ADAMTSL1: variants seen among roughly 807,000 people sequenced by gnomAD.
ADAMTSL1 encodes the protein ADAMTS like 1.
ADAMTSL1 carries 126 observed loss-of-function variants against 201.8 expected under a neutral mutation model. The observed-to-expected ratio is 0.62, with a 90% confidence interval of 0.54 to 0.72. The LOEUF is 0.72. Among genes scored for constraint, ADAMTSL1 ranks in the 30% least tolerant of loss-of-function variants. The pLI, the probability that ADAMTSL1 is intolerant of heterozygous loss-of-function variation, is 0.00. For missense variants in ADAMTSL1, 2,679 were observed against 2,277.8 expected (o/e 1.18, Z -3.59); for synonymous variants, 1,121 against 903.4 (o/e 1.24, Z -4.32).
chr9:17,980,643 G>T (rs1328254831), intron 1 of ADAMTSL1, among the ~76,000 whole-genome samples: 1 of 152,014 alleles, frequency 6.6e-6, no homozygotes, highest in African/African-American at 2.4e-5. Flanking sequence ...GGGTCATGAG[G>T]GTAGAGCCTT....
At chr9:17,957,681 G>A (rs1827982994) in intron 1 of ADAMTSL1, among the ~76,000 whole-genome samples, 2 of 152,170 alleles carry the variant, frequency 1.3e-5, no homozygotes, top group Admixed American at 6.5e-5. Flanking sequence ...AAGGGGCTTT[G>A]CAAATTGTGA....
intron 1 of ADAMTSL1, among the ~76,000 whole-genome samples, chr9:18,082,778 G>A (rs1468147703): frequency 2.0e-5 from 3 of 152,196 alleles, no homozygotes; most frequent in Non-Finnish European, 4.4e-5. Flanking sequence ...AAGGGAAGAG[G>A]CAGAGGTAAG....
At chr9:17,987,223 A>G (rs1194380376) in intron 1 of ADAMTSL1, among the ~76,000 whole-genome samples, 2 of 152,072 alleles carry the variant, frequency 1.3e-5, no homozygotes, top group African/African-American at 2.4e-5. Context: ...AGTGAACACA[A>G]CCTGGTATTA....
At chr9:17,951,636 T>C (rs1372158013) in intron 1 of ADAMTSL1, among the ~76,000 whole-genome samples, 1 of 152,030 alleles carries the variant, frequency 6.6e-6, no homozygotes, top group East Asian at 1.9e-4. Flanking sequence ...TCTTTTTTTT[T>C]TTTCTATTGG....
chr9:18,040,987 T>C (rs1462712480), intron 1 of ADAMTSL1, among the ~76,000 whole-genome samples: 6 of 152,176 alleles, frequency 3.9e-5, no homozygotes, highest in Non-Finnish European at 5.9e-5. Context: ...TCTCAAGTGA[T>C]TAATTAGTAG....
intron 2 of ADAMTSL1, among the ~76,000 whole-genome samples, chr9:18,335,221 A>G (rs1835184355): frequency 6.6e-6 from 1 of 152,188 alleles, no homozygotes; most frequent in Non-Finnish European, 1.5e-5. Context: ...TTTAAAAAAT[A>G]TATTGAACAT....
intron 15 of ADAMTSL1, among the ~76,000 whole-genome samples, chr9:18,728,140 C>T (rs1470130192): frequency 6.6e-6 from 1 of 151,520 alleles, no homozygotes; most frequent in Non-Finnish European, 1.5e-5. Context: ...AAGACAACTG[C>T]CTTGCATGCA....
chr9:18,641,347 C>T (rs1275213872), intron 7 of ADAMTSL1, among the ~76,000 whole-genome samples: 1 of 152,056 alleles, frequency 6.6e-6, no homozygotes, highest in African/African-American at 2.4e-5. Flanking sequence ...TAAGCACTAA[C>T]AACTGCTGGA....
intron 2 of ADAMTSL1, among the ~76,000 whole-genome samples, chr9:18,207,877 TA>T (rs71333032): frequency 0.01 from 1,570 of 151,118 alleles, 28 homozygotes; most frequent in African/African-American, 0.036. Context: ...TATAGAGTAC[TA>T]AAAAAAAACA....
chr9:18,767,180 A>G lies in ADAMTSL1; in HGVS notation c.2218-3422A>G, dbSNP rs545896987. ...TAGGCATGTTTAATTCAAGATGCCT[A>G]TTTGCATTTAAGTGGACATGTTGAG... On this transcript the variant is annotated intron_variant, in intron 16 of 28. Transcript: ENST00000380548. Among the ~76,000 whole-genome samples the G allele has an allele frequency of 4.6e-5, 7 of 152,288 alleles. No homozygotes were observed. In the South Asian group the frequency reaches 1.5e-3, roughly 32 times the overall value.
intron 1 of ADAMTSL1, among the ~76,000 whole-genome samples, chr9:18,034,263 G>C (rs539353873): frequency 6.6e-6 from 1 of 152,016 alleles, no homozygotes; most frequent in Non-Finnish European, 1.5e-5. Flanking sequence ...ATCATTTCCT[G>C]GGCCTTCTTT....
At chr9:18,607,758 C>T (rs761272632) in intron 4 of ADAMTSL1, among the ~76,000 whole-genome samples, 19 of 150,398 alleles carry the variant, frequency 1.3e-4, no homozygotes, top group Non-Finnish European at 1.0e-4. Flanking sequence ...CCCCAGAGTG[C>T]GATGTTCCCC....
intron 1 of ADAMTSL1, among the ~76,000 whole-genome samples, chr9:18,021,294 C>T (rs1013104605): frequency 5.3e-5 from 8 of 152,062 alleles, no homozygotes; most frequent in African/African-American, 1.9e-4. Flanking sequence ...ATATTTTCTT[C>T]TGTGGAGTAG....
intron 1 of ADAMTSL1, among the ~76,000 whole-genome samples, chr9:18,148,069 T>G (rs1250148145): frequency 4.6e-5 from 7 of 152,100 alleles, no homozygotes. Context: ...AAATATTTGT[T>G]GAAATGACCA....
At chr9:18,765,424 A>G (rs1423057139) in intron 16 of ADAMTSL1, among the ~76,000 whole-genome samples, 1 of 107,884 alleles carries the variant, frequency 9.3e-6, no homozygotes, top group Non-Finnish European at 2.3e-5. Flanking sequence ...TTTAGGAGAT[A>G]ATAATTTTAT....
chr9:18,218,420 T>C (rs1830133080), intron 2 of ADAMTSL1, among the ~76,000 whole-genome samples: 1 of 152,316 alleles, frequency 6.6e-6, no homozygotes, highest in East Asian at 1.9e-4. Flanking sequence ...GACTGCTTGC[T>C]AGTTTTTGTG....
At chr9:18,879,371 A>AACAAC (rs1828380340) in intron 23 of ADAMTSL1, among the ~76,000 whole-genome samples, 1 of 152,208 alleles carries the variant, frequency 6.6e-6, no homozygotes, top group Admixed American at 6.5e-5. Flanking sequence ...CCTTCACAGT[A>AACAAC]ACAACACCAG....
intron 20 of ADAMTSL1, among the ~76,000 whole-genome samples, chr9:18,811,011 C>A (rs1394995627): frequency 1.0e-4 from 4 of 38,858 alleles, no homozygotes; most frequent in East Asian, 3.4e-3. Context: ...CCAATGAGTA[C>A]CAAAAAAAAA....
intron 1 of ADAMTSL1, among the ~76,000 whole-genome samples, chr9:17,996,572 G>A (rs896400108): frequency 7.2e-5 from 11 of 152,062 alleles, no homozygotes; most frequent in African/African-American, 2.4e-4. Context: ...GAGGTCATCA[G>A]AGTGCTACTT....
Sources: allele counts gnomAD v4.1 joint callset (sites outside exome capture counted in the v4.1 genomes callset), GRCh38; gene constraint gnomAD v4.1.1; transcripts MANE v1.5; gene names NCBI Gene and HGNC (gene_info 2026-07-23, HGNC 2026-07-21).